The following DOCK2 variants were observed in gnomAD, a reference collection of about 807,000 sequenced individuals.
DOCK2 encodes dedicator of cytokinesis protein 2.
In DOCK2, 87 loss-of-function variants were observed where a neutral mutation model predicts 248.9. The observed-to-expected ratio is 0.35, with a 90% CI of 0.29 to 0.42. The LOEUF (loss-of-function observed/expected upper bound fraction) is 0.42, where lower values mean the gene tolerates loss of function less well. DOCK2 is among the 10% of genes least tolerant of loss of function. DOCK2 has a pLI of 1.00. For missense variants in DOCK2, 1,747 were observed against 2,300.2 expected (o/e 0.76, Z 4.92); for synonymous variants, 805 against 821.6 (o/e 0.98, Z 0.35).
intron 27 of DOCK2, among the ~76,000 whole-genome samples, chr5:169,845,284 C>A (rs1770238190): frequency 6.6e-6 from 1 of 151,894 alleles, no homozygotes; most frequent in Non-Finnish European, 1.5e-5. Context: ...GGACAAGCTA[C>A]CCTGCCTCTG....
chr5:169,843,154 A>G (rs1214129965), intron 27 of DOCK2, among the ~76,000 whole-genome samples: 1 of 152,206 alleles, frequency 6.6e-6, no homozygotes, highest in Non-Finnish European at 1.5e-5. Context: ...TCTTACATGC[A>G]GGCTTAGCCT....
At chr5:169,923,958 T>A (rs967052788) in intron 27 of DOCK2, among the ~76,000 whole-genome samples, 2 of 152,202 alleles carry the variant, frequency 1.3e-5, no homozygotes, top group African/African-American at 4.8e-5. Context: ...GTAGAAACAT[T>A]GCGGTTGGCA....
intron 13 of DOCK2, among the ~76,000 whole-genome samples, chr5:169,701,954 T>C (rs1760994547): frequency 6.6e-6 from 1 of 152,220 alleles, no homozygotes; most frequent in African/African-American, 2.4e-5. Context: ...TATGTTTGGT[T>C]GTTTTCATGG....
At chr5:169,792,169 C>T (rs1766378096) in intron 25 of DOCK2, among the ~76,000 whole-genome samples, 1 of 152,012 alleles carries the variant, frequency 6.6e-6, no homozygotes, top group African/African-American at 2.4e-5. Flanking sequence ...AGGTGCTGAC[C>T]AATCTGATAG....
At chr5:169,689,455 C>T in intron 9 of DOCK2, 122 bp downstream of exon 9, 1 of 989,938 alleles carries the variant, frequency 1.0e-6, no homozygotes, top group Non-Finnish European at 1.5e-6. Flanking sequence ...GTTGTGGGCT[C>T]CAAGCAGAAA....
At chr5:169,958,416 C>T (rs924601264) in intron 27 of DOCK2, among the ~76,000 whole-genome samples, 4 of 152,152 alleles carry the variant, frequency 2.6e-5, no homozygotes, top group African/African-American at 9.7e-5. Context: ...ACTCCATCAT[C>T]CGAATAACAG....
intron 37 of DOCK2, among the ~76,000 whole-genome samples, 162 bp downstream of exon 37, chr5:170,041,307 C>T (rs927308147): frequency 6.6e-6 from 1 of 152,196 alleles, no homozygotes; most frequent in African/African-American, 2.4e-5. Flanking sequence ...TGCACTGCTT[C>T]CCTGGTCACA....
intron 32 of DOCK2, among the ~76,000 whole-genome samples, chr5:170,017,120 CATT>C (rs1755563584): frequency 6.6e-6 from 1 of 152,136 alleles, no homozygotes; most frequent in Non-Finnish European, 1.5e-5. Context: ...ACTACTCCAA[CATT>C]AAGCCTCATT....
intron 13 of DOCK2, among the ~76,000 whole-genome samples, chr5:169,701,172 A>AT (rs1247514092): frequency 6.6e-6 from 1 of 152,144 alleles, no homozygotes; most frequent in Admixed American, 6.5e-5. Flanking sequence ...TATAAAGCCA[A>AT]CCTCTTCTGC....
At chr5:170,076,980 A>G (rs1284890054) in intron 47 of DOCK2, among the ~76,000 whole-genome samples, 1 of 152,180 alleles carries the variant, frequency 6.6e-6, no homozygotes, top group Non-Finnish European at 1.5e-5. Flanking sequence ...CTTCTGCCTA[A>G]CTGGTTACAA....
intron 1 of DOCK2, 101 bp downstream of exon 1, chr5:169,637,470 G>A: frequency 8.1e-7 from 1 of 1,242,026 alleles, no homozygotes; most frequent in Non-Finnish European, 1.0e-6. Flanking sequence ...TGGGCAGGGC[G>A]CGCTGCCTGC....
intron 29 of DOCK2, among the ~76,000 whole-genome samples, chr5:169,993,439 G>T (rs1022505997): frequency 6.6e-6 from 1 of 152,096 alleles, no homozygotes; most frequent in African/African-American, 2.4e-5. Flanking sequence ...CTGTGAAAAA[G>T]GTTACATTAC....
At chr5:170,045,945 G>A in intron 39 of DOCK2, 40 bp downstream of exon 39, 1 of 1,587,388 alleles carries the variant, frequency 6.3e-7, no homozygotes, top group Non-Finnish European at 8.7e-7. Context: ...CCTGCAGGCT[G>A]GGTGCTCAGG....
rs70979150 is a variant in DOCK2 at position 169,961,978 on chromosome 5, C to CAA, written c.2800-21074_2800-21073dup. 8.8e-4 allele frequency among the ~76,000 whole-genome samples: 66 copies of CAA among 74,636 alleles called. 19 individuals carry two copies. Among genetic ancestry groups the CAA allele is most frequent in the African/African-American group, 3.5e-3 (51 of 14,776 alleles). 49.0% of individuals were successfully genotyped at this position (74,636 alleles called of 152,430 possible). A position where few individuals can be genotyped will look rare whatever the true frequency, so the allele number is the denominator to read the frequency against. On this transcript the variant is annotated intron_variant, in intron 27 of 51. Coordinates refer to ENST00000520908, the MANE Select transcript of DOCK2 (RefSeq NM_004946.3). The stretch of plus-strand genomic sequence containing the variant: ...TGGGTGAAAAAGTGAGACTCTGTCC[C>CAA]AAAAAAAAAAAAAAAAATGGAGAAA...
At chr5:169,638,355 G>A (rs1052187416) in intron 1 of DOCK2, among the ~76,000 whole-genome samples, 1 of 152,076 alleles carries the variant, frequency 6.6e-6, no homozygotes, top group African/African-American at 2.4e-5. Context: ...TGATATAAAT[G>A]GTCCCCATCC....
At chr5:169,912,477 A>G (rs1270546830) in intron 27 of DOCK2, among the ~76,000 whole-genome samples, 1 of 152,170 alleles carries the variant, frequency 6.6e-6, no homozygotes, top group Non-Finnish European at 1.5e-5. Context: ...GTGTGTGTGC[A>G]CATATGTGTT....
intron 25 of DOCK2, among the ~76,000 whole-genome samples, chr5:169,799,774 G>A (rs1766855621): frequency 6.6e-6 from 1 of 152,010 alleles, no homozygotes; most frequent in South Asian, 2.1e-4. Flanking sequence ...GCTAATCAAT[G>A]TATTGTACTC....
intron 26 of DOCK2, among the ~76,000 whole-genome samples, chr5:169,808,553 A>G (rs1372904859): frequency 6.6e-6 from 1 of 151,252 alleles, no homozygotes; most frequent in Non-Finnish European, 1.5e-5. Context: ...GGTGAAGGAT[A>G]AAAGGCCTGA....
intron 44 of DOCK2, among the ~76,000 whole-genome samples, chr5:170,060,167 C>A (rs188669869): frequency 6.6e-6 from 1 of 152,160 alleles, no homozygotes; most frequent in East Asian, 1.9e-4. Flanking sequence ...TGTTCTTGTT[C>A]TTGGCCCTGA....
Sources: allele counts gnomAD v4.1 joint callset (sites outside exome capture counted in the v4.1 genomes callset), GRCh38; gene constraint gnomAD v4.1.1; transcripts MANE v1.5; gene names NCBI Gene and HGNC (gene_info 2026-07-23, HGNC 2026-07-21).